Variants in CSMD1 observed in about 807,000 individuals in gnomAD.
CSMD1 encodes the protein CUB and Sushi multiple domains 1, also known as CUB and sushi domain-containing protein 1.
In CSMD1, 213 loss-of-function variants were observed where a neutral mutation model predicts 417.5. That is an observed-to-expected ratio of 0.51 (90% CI 0.46 to 0.57). The LOEUF (loss-of-function observed/expected upper bound fraction) is 0.57, where lower values mean the gene tolerates loss of function less well. Among genes scored for constraint, CSMD1 ranks in the 20% least tolerant of loss-of-function variants. CSMD1 has a pLI of 0.00. For missense variants in CSMD1, 6,923 were observed against 4,529.7 expected (o/e 1.53, Z -15.17); for synonymous variants, 2,862 against 1,736.8 (o/e 1.65, Z -16.11).
intron 5 of CSMD1, among the ~76,000 whole-genome samples, chr8:3,832,315 T>A (rs571011140): frequency 1.3e-5 from 2 of 152,316 alleles, no homozygotes; most frequent in African/African-American, 2.4e-5. Context: ...TAAAACGCAA[T>A]GATGTTCCTT....
rs550412485 is a variant in CSMD1, at chr8:3,214,746, T to C, written c.4673-55A>G. On this transcript the variant is annotated intron_variant, in intron 29 of 69. Coordinates refer to ENST00000635120, the MANE Select transcript of CSMD1 (RefSeq NM_033225.6). Reference sequence around the variant, plus strand: ...AGAGCAGGGATCTTATTCTTGTTTGTGTTTTTGTTTGTTGGGTTGGTTCTT... The same window carrying C: ...AGAGCAGGGATCTTATTCTTGTTTGCGTTTTTGTTTGTTGGGTTGGTTCTT... 124 of 1,405,190 alleles carry C rather than the reference T, an allele frequency of 8.8e-5. 1 individual carries two copies. In the South Asian group the frequency reaches 1.1e-3, roughly 12 times the overall value. The allele number at this position is 1,405,190 out of a possible 1,614,324, so 87.0% of individuals were successfully genotyped here. A position where few individuals can be genotyped will look rare whatever the true frequency, so the allele number is the denominator to read the frequency against.
chr8:4,681,569 G>A (rs896098602), intron 1 of CSMD1, among the ~76,000 whole-genome samples: 1 of 152,148 alleles, frequency 6.6e-6, no homozygotes, highest in African/African-American at 2.4e-5. Flanking sequence ...TCTGGTGCTT[G>A]CTATTGAAAA....
rs540000125 is a variant in CSMD1, at chr8:3,526,973, T to C, written c.1345-33247A>G. Among the ~76,000 whole-genome samples the C allele has an allele frequency of 5.9e-5, 9 of 152,212 alleles. No homozygotes were observed. In the East Asian group the frequency reaches 1.5e-3, roughly 26 times the overall value. On this transcript the variant is annotated intron_variant, in intron 10 of 69. Transcript: ENST00000635120. The stretch of plus-strand genomic sequence containing the variant: ...GAGTCTATGTTGTTGGGTGCAGCCC[T>C]CTGGAGGGTGGGGCTATATCCTTTT...
At chr8:3,595,538 G>C (rs1801050008) in intron 8 of CSMD1, among the ~76,000 whole-genome samples, 1 of 152,128 alleles carries the variant, frequency 6.6e-6, no homozygotes, top group Non-Finnish European at 1.5e-5. Flanking sequence ...GTGATTTTTA[G>C]ATACTGTGTG....
At position 3,050,033 on chromosome 8, in the gene CSMD1, AC is replaced by A. The variant is rs528473512; in HGVS notation, c.7660+2428del. On this transcript the variant is annotated intron_variant, in intron 50 of 69. Coordinates refer to ENST00000635120, the MANE Select transcript of CSMD1 (RefSeq NM_033225.6). ...TTAGCAAGTCTTTCTCAGATAGTAT[AC>A]AAATTTAAAGTGGGTTTTCCTTTAA... Among the ~76,000 whole-genome samples, 12 of 152,112 alleles carry A rather than the reference AC, an allele frequency of 7.9e-5. No individual in the cohort carries two copies. In the South Asian group the frequency reaches 2.5e-3, roughly 32 times the overall value.
chr8:4,052,987 C>T (rs907383680), intron 3 of CSMD1, among the ~76,000 whole-genome samples: 1 of 152,266 alleles, frequency 6.6e-6, no homozygotes, highest in Admixed American at 6.5e-5. Flanking sequence ...CCCCCTTACT[C>T]TCAGCTAAAG....
chr8:3,034,930 G>A (rs1269734253), intron 50 of CSMD1, among the ~76,000 whole-genome samples: 1 of 152,182 alleles, frequency 6.6e-6, no homozygotes, highest in Non-Finnish European at 1.5e-5. Flanking sequence ...GCACTGTGGA[G>A]AAAGGGAAGG....
chr8:3,653,599 C>A (rs1230754173), intron 7 of CSMD1, among the ~76,000 whole-genome samples: 1 of 152,120 alleles, frequency 6.6e-6, no homozygotes, highest in Admixed American at 6.6e-5. Flanking sequence ...GTGAGCCACC[C>A]TGCCTGGCCA....
At chr8:2,963,003 G>GA (rs1288688058) in intron 60 of CSMD1, among the ~76,000 whole-genome samples, 1 of 152,152 alleles carries the variant, frequency 6.6e-6, no homozygotes, top group Non-Finnish European at 1.5e-5. Flanking sequence ...AGCTATGATT[G>GA]AACCACTGCA....
chr8:4,389,152 A>C (rs1220849990), intron 3 of CSMD1, among the ~76,000 whole-genome samples: 1 of 152,226 alleles, frequency 6.6e-6, no homozygotes, highest in Non-Finnish European at 1.5e-5. Flanking sequence ...AAAGCTTTTC[A>C]TTAATTTAAA....
At chr8:3,829,399 C>G (rs927864226) in intron 5 of CSMD1, among the ~76,000 whole-genome samples, 2 of 152,114 alleles carry the variant, frequency 1.3e-5, no homozygotes, top group Admixed American at 6.6e-5. Flanking sequence ...CAGGTTTCAA[C>G]CTACAACAGT....
chr8:3,419,580 G>A (rs1216555695), intron 12 of CSMD1, among the ~76,000 whole-genome samples: 1 of 152,066 alleles, frequency 6.6e-6, no homozygotes, highest in Non-Finnish European at 1.5e-5. Context: ...TCTGAAACCT[G>A]GAAAATCCCA....
intron 23 of CSMD1, among the ~76,000 whole-genome samples, chr8:3,319,725 G>T (rs1408335608): frequency 6.6e-6 from 1 of 151,952 alleles, no homozygotes; most frequent in African/African-American, 2.4e-5. Flanking sequence ...GATAAAAATG[G>T]TAAGAAAAGT....
At chr8:4,444,765 TC>T (rs1307407200) in intron 2 of CSMD1, among the ~76,000 whole-genome samples, 1 of 152,198 alleles carries the variant, frequency 6.6e-6, no homozygotes, top group Non-Finnish European at 1.5e-5. Context: ...TACCTAATTT[TC>T]CCTGATTTGA....
chr8:4,571,492 C>T (rs185464992), intron 2 of CSMD1, among the ~76,000 whole-genome samples: 1 of 152,160 alleles, frequency 6.6e-6, no homozygotes, highest in Non-Finnish European at 1.5e-5. Flanking sequence ...TTTGATTGCA[C>T]TGTGGTCTGA....
chr8:3,449,979 G>T (rs1048783816), intron 12 of CSMD1, among the ~76,000 whole-genome samples: 1 of 152,166 alleles, frequency 6.6e-6, no homozygotes, highest in African/African-American at 2.4e-5. Context: ...TTTTAAAGTG[G>T]AAAAGCCAGA....
At chr8:4,609,590 TCA>T (rs1801060552) in intron 2 of CSMD1, among the ~76,000 whole-genome samples, 1 of 152,182 alleles carries the variant, frequency 6.6e-6, no homozygotes, top group African/African-American at 2.4e-5. Flanking sequence ...GCCACTGCCA[TCA>T]CAGAGTATGA....
At chr8:4,122,254 G>T (rs10866962) in intron 3 of CSMD1, among the ~76,000 whole-genome samples, 150,599 of 152,256 alleles carry the variant, frequency 0.99, 74,506 homozygotes, top group East Asian at 1. Flanking sequence ...GTTTGACTTC[G>T]TACATTTCTT....
chr8:4,466,908 G>T (rs186319490), intron 2 of CSMD1, among the ~76,000 whole-genome samples: 2 of 152,020 alleles, frequency 1.3e-5, no homozygotes, highest in African/African-American at 2.4e-5. Flanking sequence ...AAATTTTACA[G>T]TGTGTTTTTA....
Sources: gnomAD v4.1 joint callset for allele counts (sites outside exome capture counted in the v4.1 genomes callset) on GRCh38, gnomAD v4.1.1 for gene constraint, MANE v1.5 for transcripts, NCBI Gene and HGNC (gene_info 2026-07-23, HGNC 2026-07-21) for gene names.